ADPGK: variants seen among roughly 807,000 people sequenced by gnomAD.
The protein encoded by ADPGK is ADP-dependent glucokinase.
In ADPGK, 26 loss-of-function variants were observed where a neutral mutation model predicts 42.4. That is an observed-to-expected ratio of 0.61 (90% CI 0.45 to 0.85). The LOEUF (loss-of-function observed/expected upper bound fraction) is 0.85, where lower values mean the gene tolerates loss of function less well. ADPGK is among the 40% of genes least tolerant of loss of function. The probability of loss-of-function intolerance (pLI) is 0.00; values close to 1 mark genes in which losing one functional copy is unlikely to be tolerated. For missense variants in ADPGK, 571 were observed against 627.0 expected, an observed-to-expected ratio of 0.91 and a Z score of 0.95; for synonymous variants, 267 against 252.6, an observed-to-expected ratio of 1.06 and a Z score of -0.54.
intron 2 of ADPGK, among the ~76,000 whole-genome samples, chr15:72,773,774 G>C (rs2066356155): frequency 6.6e-6 from 1 of 152,240 alleles, no homozygotes; most frequent in African/African-American, 2.4e-5. Flanking sequence ...AATGATAACT[G>C]AAATCTTAAC....
At chr15:72,777,064 G>C (rs1462604330) in intron 1 of ADPGK, among the ~76,000 whole-genome samples, 1 of 152,202 alleles carries the variant, frequency 6.6e-6, no homozygotes, top group East Asian at 1.9e-4. Context: ...GTTGCTTAAA[G>C]ATATGTTTAA....
intron 1 of ADPGK, among the ~76,000 whole-genome samples, chr15:72,779,233 T>C (rs1303615701): frequency 1.4e-5 from 2 of 147,410 alleles, no homozygotes; most frequent in South Asian, 2.1e-4. Flanking sequence ...GCAATAAATA[T>C]TAGCATGAGG....
chr15:72,768,965 TC>T (rs2066294201), intron 3 of ADPGK, among the ~76,000 whole-genome samples: 1 of 115,906 alleles, frequency 8.6e-6, no homozygotes, highest in African/African-American at 2.8e-5. Flanking sequence ...CAAGGCCAGA[TC>T]CTGTCTCTCA....
In ADPGK at chr15:72,783,668, C is replaced by T; in HGVS notation, c.24G>A (p.Ala8=). The part of the protein sequence containing the change: MALWRGS[A]YAGFLALAVG... ...CGGCCAGCGCCAGGAAGCCCGCGTA[C>T]GCGGAGCCGCGCCACAGCGCCATGG... is the stretch of plus-strand genomic sequence containing the variant. Residue 8 remains alanine, a synonymous_variant, in exon 1 of 7, where the codon GCG becomes GCA. Transcript: ENST00000456471. 1 of 1,503,154 alleles carries T rather than the reference C, an allele frequency of 6.7e-7. No homozygotes were observed. The highest frequency in any genetic ancestry group is 1.4e-5 in the African/African-American group (1 of 69,214). 93.1% of individuals were successfully genotyped at this position (1,503,154 alleles called of 1,614,324 possible). A position where few individuals can be genotyped will look rare whatever the true frequency, so the allele number is the denominator to read the frequency against.
chr15:72,755,912 T>G (rs1567446276), intron 5 of ADPGK: 1 of 649,410 alleles, frequency 1.5e-6, no homozygotes. Flanking sequence ...TGTACGAATC[T>G]GTAGGAGTTG....
At chr15:72,761,136 C>T (rs1449384304) in intron 3 of ADPGK, among the ~76,000 whole-genome samples, 2 of 152,176 alleles carry the variant, frequency 1.3e-5, no homozygotes, top group Non-Finnish European at 2.9e-5. Flanking sequence ...TTTCCAGTCT[C>T]CACTGTGAGA....
chr15:72,780,710 CA>C (rs1343018720), intron 1 of ADPGK, among the ~76,000 whole-genome samples: 1 of 152,154 alleles, frequency 6.6e-6, no homozygotes, highest in Non-Finnish European at 1.5e-5. Flanking sequence ...CATGACAGGT[CA>C]AGGCCACAGT....
intron 6 of ADPGK, 53 bp downstream of exon 6, chr15:72,755,500 GCTT>G: frequency 1.5e-6 from 2 of 1,367,654 alleles, no homozygotes; most frequent in Non-Finnish European, 2.0e-6. Flanking sequence ...GCACAAAAAA[GCTT>G]CTCTGCAAGG....
Position 72,758,294 on chromosome 15 carries a change from G to A in ADPGK, c.644-1847C>T, listed in dbSNP as rs1040325340. 82 of 716,122 alleles carry A rather than the reference G, an allele frequency of 1.1e-4. No individual in the cohort carries two copies. The Middle Eastern group carries it at 2.4e-3, about 21-fold the overall frequency. The allele number at this position is 716,122 out of a possible 1,614,324, so 44.4% of individuals were successfully genotyped here. The stretch of plus-strand genomic sequence containing the variant: ...CTCACAAAGTGTTGTATTCATTCCT[G>A]TAAGCAATCTCTTCTCAATGTATCA... On this transcript the variant is annotated intron_variant, in intron 4 of 6. Transcript: ENST00000456471.
intron 1 of ADPGK, among the ~76,000 whole-genome samples, chr15:72,782,355 AAAAAT>A (rs2066470024): frequency 1.3e-5 from 2 of 152,120 alleles, no homozygotes; most frequent in East Asian, 1.9e-4. Context: ...CTCTACTAAA[AAAAAT>A]AAAATAAATA....
chr15:72,771,775 T>G lies in ADPGK; in HGVS notation c.522+8A>C. Reference sequence around the variant, plus strand: ...AGGCATAGGTTTTAATCTAAAAACTTGACCTACCTTTAAATCTGAGTTGGC... The same window carrying G: ...AGGCATAGGTTTTAATCTAAAAACTGGACCTACCTTTAAATCTGAGTTGGC... On this transcript the variant is annotated splice_region_variant and intron_variant, in intron 3 of 6. Transcript: ENST00000456471. 1 of 1,610,996 alleles carries G rather than the reference T, an allele frequency of 6.2e-7. No individual in the cohort carries two copies. The highest frequency in any genetic ancestry group is 1.1e-5 in the South Asian group (1 of 90,904).
At chr15:72,767,409 T>C (rs60601886) in intron 3 of ADPGK, among the ~76,000 whole-genome samples, 18,560 of 147,730 alleles carry the variant, frequency 0.13, 1,871 homozygotes, top group East Asian at 0.52. Context: ...AATAAGAATA[T>C]AGAAGACTTG....
intron 2 of ADPGK, among the ~76,000 whole-genome samples, chr15:72,772,330 G>T (rs1264903845): frequency 6.6e-6 from 1 of 152,104 alleles, no homozygotes; most frequent in Non-Finnish European, 1.5e-5. Flanking sequence ...TCCACACCCT[G>T]CTTACAGCTC....
intron 4 of ADPGK, chr15:72,757,940 T>G: frequency 7.0e-5 from 56 of 801,300 alleles, no homozygotes; most frequent in Non-Finnish European, 1.0e-4. Context: ...AAGGCAAGGA[T>G]GAGAAGAACC....
In ADPGK at chr15:72,760,533, G is replaced by A. The variant is rs1393306592; in HGVS notation, c.523-6C>T. ...ACTGGACCGCAAAGAAGAACCTGGA[G>A]GCAAGCAACACGAAGTCCATCAGGA... On this transcript the variant is annotated splice_region_variant and splice_polypyrimidine_tract_variant and intron_variant, in intron 3 of 6. Transcript: ENST00000456471. 6.3e-7 allele frequency: 1 copy of A among 1,596,090 alleles called. No homozygotes were observed. Among genetic ancestry groups the A allele is most frequent in the Admixed American group, 1.7e-5 (1 of 59,660 alleles).
chr15:72,759,251 C>T (rs1419104494), intron 4 of ADPGK, among the ~76,000 whole-genome samples: 1 of 152,140 alleles, frequency 6.6e-6, no homozygotes. Context: ...ATCTTTTCAT[C>T]CAAGCTGCTC....
At chr15:72,769,532 A>G (rs529500244) in intron 3 of ADPGK, among the ~76,000 whole-genome samples, 2 of 152,304 alleles carry the variant, frequency 1.3e-5, no homozygotes, top group African/African-American at 4.8e-5. Context: ...TTTTTAGCTA[A>G]GACAGGGTTT....
chr15:72,767,517 C>T (rs1465082552), intron 3 of ADPGK, among the ~76,000 whole-genome samples: 1 of 152,076 alleles, frequency 6.6e-6, no homozygotes, highest in East Asian at 1.9e-4. Flanking sequence ...TTCAAGTACA[C>T]ACAGAACCTC....
In ADPGK at chr15:72,752,528, G is replaced by A; in HGVS notation, c.1307C>T (p.Ser436Phe). 6.2e-7 allele frequency: 1 copy of A among 1,614,214 alleles called. No homozygotes were observed. Among genetic ancestry groups the A allele is most frequent in the Admixed American group, 1.7e-5 (1 of 60,028 alleles). ...AATCCTGGAGCCTGCCTCCGAATGG[G>A]AAGTCATGAACTCTTGGGGTGCCCT... Reference protein sequence around the residue: ...SLRAPQEFMTSHSEAGSRIVL... With the variant: ...SLRAPQEFMTFHSEAGSRIVL... The change falls in exon 7 of 7, where the codon TCC (serine) becomes TTC (phenylalanine). Residue 436 changes from serine (S) to phenylalanine (F), a missense_variant. Transcript: ENST00000456471.
Sources: gnomAD v4.1 joint callset for allele counts (sites outside exome capture counted in the v4.1 genomes callset) on GRCh38, gnomAD v4.1.1 for gene constraint, MANE v1.5 for transcripts, NCBI Gene and HGNC (gene_info 2026-07-23, HGNC 2026-07-21) for gene names.